Variants in CLNK observed in about 807,000 individuals in gnomAD.
CLNK encodes cytokine dependent hematopoietic cell linker.
A neutral mutation model predicts 68.6 loss-of-function variants in CLNK; 74 were observed. The observed-to-expected ratio is 1.08, with a 90% confidence interval of 0.89 to 1.31. The LOEUF (loss-of-function observed/expected upper bound fraction) is 1.31, where lower values mean the gene tolerates loss of function less well. Among genes scored for constraint, CLNK ranks in the 50% most tolerant of loss-of-function variants. CLNK has a pLI of 0.00. For missense variants in CLNK, 553 were observed against 515.3 expected, an observed-to-expected ratio of 1.07 and a Z score of -0.71; for synonymous variants, 198 against 172.2, an observed-to-expected ratio of 1.15 and a Z score of -1.17.
At chr4:10,595,833 C>T (rs1459402388) in intron 3 of CLNK, among the ~76,000 whole-genome samples, 1 of 152,122 alleles carries the variant, frequency 6.6e-6, no homozygotes, top group East Asian at 1.9e-4. Flanking sequence ...TTGTTGGGAT[C>T]CAGTGAGGGT....
intron 17 of CLNK, among the ~76,000 whole-genome samples, chr4:10,503,772 C>CTTT (rs869102696): frequency 1.6e-5 from 1 of 63,288 alleles, no homozygotes; most frequent in Non-Finnish European, 2.8e-5. Context: ...CATTTAGAGA[C>CTTT]TTTTTTTTTT....
At chr4:10,569,998 A>G (rs541928452) in intron 5 of CLNK, among the ~76,000 whole-genome samples, 2 of 152,196 alleles carry the variant, frequency 1.3e-5, no homozygotes. Context: ...AGCTGCTAGT[A>G]TGTGTACTCC....
At chr4:10,499,690 G>T (rs1209553337) in intron 18 of CLNK, among the ~76,000 whole-genome samples, 1 of 152,170 alleles carries the variant, frequency 6.6e-6, no homozygotes, top group Non-Finnish European at 1.5e-5. Flanking sequence ...AGACAAGGTG[G>T]CTTAAACAAC....
intron 2 of CLNK, among the ~76,000 whole-genome samples, chr4:10,631,031 G>A (rs867839054): frequency 7.0e-6 from 1 of 143,386 alleles, no homozygotes; most frequent in Admixed American, 6.9e-5. Context: ...CAGACCAATG[G>A]CACCAAATGC....
At chr4:10,543,603 T>G (rs1294947334) in intron 8 of CLNK, among the ~76,000 whole-genome samples, 1 of 152,166 alleles carries the variant, frequency 6.6e-6, no homozygotes, top group Admixed American at 6.6e-5. Flanking sequence ...CGCTCTCCAC[T>G]GCACCGCCTG....
chr4:10,659,349 G>C (rs1307127558), intron 2 of CLNK, among the ~76,000 whole-genome samples: 2 of 152,114 alleles, frequency 1.3e-5, no homozygotes, highest in Admixed American at 6.5e-5. Flanking sequence ...ACATTAAGTC[G>C]CTTAACTTTC....
chr4:10,501,973 C>T (rs1175914580), intron 17 of CLNK, among the ~76,000 whole-genome samples: 1 of 152,150 alleles, frequency 6.6e-6, no homozygotes, highest in African/African-American at 2.4e-5. Flanking sequence ...TCATTTCCTA[C>T]TGACCTGGGC....
chr4:10,538,058 G>C (rs753964610), intron 11 of CLNK, among the ~76,000 whole-genome samples: 1 of 152,018 alleles, frequency 6.6e-6, no homozygotes, highest in Non-Finnish European at 1.5e-5. Context: ...ACAGAAAGAA[G>C]ATAAAATGCT....
intron 1 of CLNK, among the ~76,000 whole-genome samples, chr4:10,672,371 A>C (rs1396853725): frequency 6.6e-6 from 1 of 152,194 alleles, no homozygotes; most frequent in African/African-American, 2.4e-5. Flanking sequence ...CTGTTTAACC[A>C]TTCTGAGCCT....
chr4:10,707,460 A>G, the CLNK span, among the ~76,000 whole-genome samples: 122 of 152,384 alleles, frequency 8.0e-4, 1 homozygote, highest in Non-Finnish European at 1.4e-3. Flanking sequence ...AATGCAAGAT[A>G]GACTAATGTC....
chr4:10,527,363 G>A (rs1718360136), intron 13 of CLNK, among the ~76,000 whole-genome samples: 1 of 152,204 alleles, frequency 6.6e-6, no homozygotes, highest in Admixed American at 6.5e-5. Flanking sequence ...TTGTCAATAT[G>A]CAGAGAAGAG....
At chr4:10,667,934 G>T in intron 1 of CLNK, 23 bp from the exon 2 acceptor site, 1 of 1,368,100 alleles carries the variant, frequency 7.3e-7, no homozygotes, top group Non-Finnish European at 1.0e-6. Context: ...AAGCAAACGC[G>T]TTACTGGAAC....
chr4:10,612,230 G>A (rs763160225), intron 2 of CLNK, among the ~76,000 whole-genome samples: 4 of 152,174 alleles, frequency 2.6e-5, no homozygotes, highest in East Asian at 1.9e-4. Context: ...ATGGGGCCCC[G>A]CCCACAGGAA....
intron 2 of CLNK, among the ~76,000 whole-genome samples, chr4:10,645,582 T>G (rs1723475132): frequency 6.6e-6 from 1 of 152,188 alleles, no homozygotes; most frequent in South Asian, 2.1e-4. Context: ...TCTTATTCAA[T>G]ATTTAAGATT....
At chr4:10,584,830 G>T in intron 4 of CLNK, 97 bp downstream of exon 4, 1 of 1,288,596 alleles carries the variant, frequency 7.8e-7, no homozygotes. Flanking sequence ...ATAGGCCATA[G>T]TTTTATTGAA....
At chr4:10,592,343 C>T (rs1721211345) in intron 3 of CLNK, among the ~76,000 whole-genome samples, 1 of 152,118 alleles carries the variant, frequency 6.6e-6, no homozygotes, top group Non-Finnish European at 1.5e-5. Flanking sequence ...ATGGGTTCTG[C>T]AGCAGACAAG....
intron 2 of CLNK, among the ~76,000 whole-genome samples, chr4:10,615,014 C>T (rs143294412): frequency 2.0e-5 from 3 of 151,486 alleles, no homozygotes; most frequent in East Asian, 3.9e-4. Flanking sequence ...AGCAAAACGC[C>T]ATCTCTACTA....
chr4:10,598,699 A>C (rs1183089749), intron 2 of CLNK: 2 of 442,788 alleles, frequency 4.5e-6, no homozygotes, highest in Non-Finnish European at 9.0e-6. Context: ...ATTCACTGTC[A>C]TAAAGCATCA....
the CLNK span, among the ~76,000 whole-genome samples, chr4:10,703,787 G>A: frequency 1.3e-5 from 2 of 152,108 alleles, no homozygotes; most frequent in African/African-American, 2.4e-5. Context: ...GGAGGAAATT[G>A]TAACACAATA....
Sources: gnomAD v4.1 joint callset for allele counts (sites outside exome capture counted in the v4.1 genomes callset) on GRCh38, gnomAD v4.1.1 for gene constraint, MANE v1.5 for transcripts, NCBI Gene and HGNC (gene_info 2026-07-23, HGNC 2026-07-21) for gene names.